The following PCDHGA8 variants were observed in gnomAD, a reference collection of about 807,000 sequenced individuals.
PCDHGA8 encodes the protein protocadherin gamma subfamily A, 8.
In PCDHGA8, 45 loss-of-function variants were observed where a neutral mutation model predicts 59.2. The observed-to-expected ratio is 0.76, with a 90% CI of 0.60 to 0.98. PCDHGA8 has a LOEUF of 0.98. PCDHGA8 is among the 50% of genes least tolerant of loss of function. PCDHGA8 has a pLI of 0.00. For synonymous variants in PCDHGA8, 531 were observed against 519.0 expected (o/e 1.02, Z -0.32); for missense variants, 1,257 against 1,196.2 (o/e 1.05, Z -0.75).
intron 2 of PCDHGA8, 141 bp downstream of exon 2, chr5:141,495,006 G>C (rs1030195663): frequency 2.0e-6 from 3 of 1,521,446 alleles, no homozygotes; most frequent in Non-Finnish European, 8.8e-7. Flanking sequence ...CTTGGTGTGC[G>C]GGGGGCTGGC....
chr5:141,487,127 A>T lies in PCDHGA8; in HGVS notation c.2425-7680A>T. ...GGTCATTGTGGTAAAGGATAGTGGT[A>T]GTCCACCACTCTCTACCTCTGTTAC... On this transcript the variant is annotated intron_variant, in intron 1 of 3. Coordinates refer to ENST00000398604, the MANE Select transcript of PCDHGA8 (RefSeq NM_032088.2). The surrounding 1 kb of genome is among the most constrained non-coding windows in gnomAD (Gnocchi z 5.0). 6.2e-7 allele frequency: 1 copy of T among 1,613,334 alleles called. No individual in the cohort carries two copies. Among genetic ancestry groups the T allele is most frequent in the Admixed American group, 1.7e-5 (1 of 60,026 alleles).
At chr5:141,427,266 G>A (rs753905641) in intron 1 of PCDHGA8, 15 of 456,620 alleles carry the variant, frequency 3.3e-5, no homozygotes, top group Non-Finnish European at 5.7e-5. Context: ...CATGACCAGC[G>A]AATGTAAAAT....
chr5:141,449,782 T>C (rs2098655261), intron 1 of PCDHGA8, among the ~76,000 whole-genome samples: 1 of 151,720 alleles, frequency 6.6e-6, no homozygotes, highest in South Asian at 2.1e-4. Flanking sequence ...GAAATTATGT[T>C]TCTTTATTCC....
At position 141,487,074 on chromosome 5, in the gene PCDHGA8, T is replaced by C; in HGVS notation, c.2425-7733T>C. The C allele has an allele frequency of 6.2e-7, 1 of 1,614,104 alleles. No homozygotes were observed. The highest frequency in any genetic ancestry group is 8.5e-7 in the Non-Finnish European group (1 of 1,179,978). Reference sequence around the variant, plus strand: ...GGGGAGGTGCGGACGGCTGTTCCTATCCCAGCTGACCTCCCACCACAGAAG... The same window carrying C: ...GGGGAGGTGCGGACGGCTGTTCCTACCCCAGCTGACCTCCCACCACAGAAG... On this transcript the variant is annotated intron_variant, in intron 1 of 3. Transcript: ENST00000398604. The surrounding 1 kb of genome is among the most constrained non-coding windows in gnomAD (Gnocchi z 5.0).
intron 1 of PCDHGA8, among the ~76,000 whole-genome samples, chr5:141,488,511 G>A (rs2099676160): frequency 6.6e-6 from 1 of 152,162 alleles, no homozygotes. Context: ...CCACATTTGG[G>A]GTCTGGGGTG....
chr5:141,498,251 C>A (rs1277949209), intron 2 of PCDHGA8, among the ~76,000 whole-genome samples: 1 of 152,178 alleles, frequency 6.6e-6, no homozygotes, highest in African/African-American at 2.4e-5. Flanking sequence ...CAAAGCAGGG[C>A]TGGTGTTGAG....
chr5:141,505,072 G>A (rs1374916789), intron 2 of PCDHGA8, among the ~76,000 whole-genome samples: 1 of 152,228 alleles, frequency 6.6e-6, no homozygotes. Context: ...TGAGGCAGGA[G>A]AATCGCTTGA....
intron 1 of PCDHGA8, chr5:141,400,004 G>T (rs750835037): frequency 2.5e-6 from 4 of 1,612,420 alleles, no homozygotes; most frequent in East Asian, 2.2e-5. Flanking sequence ...CGCACAGCGC[G>T]TGCCTTGGGC....
rs1327610213 is a variant in PCDHGA8 at position 141,423,493 on chromosome 5, C to T, written c.2424+28256C>T. 5 of 1,613,984 alleles carry T rather than the reference C, an allele frequency of 3.1e-6. No homozygotes were observed. In the South Asian group the frequency reaches 5.5e-5, roughly 18 times the overall value. On this transcript the variant is annotated intron_variant, in intron 1 of 3. Coordinates refer to ENST00000398604, the MANE Select transcript of PCDHGA8 (RefSeq NM_032088.2). The stretch of plus-strand genomic sequence containing the variant: ...ACAGGCTTTCCTGCAAACCTATTCC[C>T]ACGAGGTCTCTCTCATTGCGGACTC...
chr5:141,466,977 C>T (rs2099133275), intron 1 of PCDHGA8, among the ~76,000 whole-genome samples: 1 of 151,786 alleles, frequency 6.6e-6, no homozygotes. Flanking sequence ...CACAGCTCAT[C>T]ATTTACCTTT....
chr5:141,469,756 A>G (rs2099210350), intron 1 of PCDHGA8, among the ~76,000 whole-genome samples: 1 of 152,252 alleles, frequency 6.6e-6, no homozygotes. Context: ...ACAAAAATAC[A>G]TATATACCAG....
rs1477077191 is a variant in PCDHGA8, at chr5:141,427,802, C to T, written c.2424+32565C>T. 7.3e-6 allele frequency: 11 copies of T among 1,510,148 alleles called. No individual in the cohort carries two copies. In the South Asian group the frequency reaches 9.0e-5, roughly 12 times the overall value. The allele number at this position is 1,510,148 out of a possible 1,614,324, so 93.5% of individuals were successfully genotyped here. A position where few individuals can be genotyped will look rare whatever the true frequency, so the allele number is the denominator to read the frequency against. On this transcript the variant is annotated intron_variant, in intron 1 of 3. Transcript: ENST00000398604. ...CACTGTCGTCCTACGTGTCCGTGAG[C>T]GCACAGAGCGGGGTGGTGGTCGCGC... is the stretch of plus-strand genomic sequence containing the variant.
At chr5:141,466,654 C>A (rs985749176) in intron 1 of PCDHGA8, among the ~76,000 whole-genome samples, 12 of 152,178 alleles carry the variant, frequency 7.9e-5, no homozygotes, top group African/African-American at 2.9e-4. Flanking sequence ...TTTCACAAAA[C>A]ATCAGTGATT....
intron 1 of PCDHGA8, among the ~76,000 whole-genome samples, chr5:141,481,994 A>AG (rs2099550091): frequency 1.3e-5 from 2 of 151,258 alleles, no homozygotes; most frequent in African/African-American, 4.9e-5. Context: ...TTGAAGCAGG[A>AG]GAATCGCTTT....
At chr5:141,397,912 A>G in intron 1 of PCDHGA8, 2 of 686,532 alleles carry the variant, frequency 2.9e-6, no homozygotes, top group Non-Finnish European at 4.8e-6. Flanking sequence ...TTGGCGCTCC[A>G]GATCTCCTCG....
Position 141,486,146 on chromosome 5 carries a change from G to A in PCDHGA8, c.2425-8661G>A, listed in dbSNP as rs533158692. The A allele has an allele frequency of 3.1e-6, 5 of 1,614,184 alleles. No homozygotes were observed. The highest frequency in any genetic ancestry group is 2.2e-5 in the East Asian group (1 of 44,876). The stretch of plus-strand genomic sequence containing the variant: ...TGAATTTGATGTGCGGGCTCGCGAT[G>A]GGGGTTCTCCAGCCATGGAGCAACA... On this transcript the variant is annotated intron_variant, in intron 1 of 3. Transcript: ENST00000398604. The surrounding 1 kb of genome is among the most constrained non-coding windows in gnomAD (Gnocchi z 5.0).
In PCDHGA8 at chr5:141,489,750, C is replaced by T. The variant is rs753217170; in HGVS notation, c.2425-5057C>T. On this transcript the variant is annotated intron_variant, in intron 1 of 3. Coordinates refer to ENST00000398604, the MANE Select transcript of PCDHGA8 (RefSeq NM_032088.2). The surrounding 1 kb of genome is among the most constrained non-coding windows in gnomAD (Gnocchi z 4.5). ...TGGGCACCAATACTGTGAGCTTTTA[C>T]ACTCTAAGCCCCAACAGCCACTTCT... 1.2e-6 allele frequency: 2 copies of T among 1,614,098 alleles called. No homozygotes were observed. Among genetic ancestry groups the T allele is most frequent in the Admixed American group, 3.3e-5 (2 of 60,022 alleles).
intron 1 of PCDHGA8, chr5:141,433,012 G>A (rs1402902269): frequency 2.5e-6 from 4 of 1,614,054 alleles, no homozygotes; most frequent in Non-Finnish European, 3.4e-6. Flanking sequence ...CTTTCCTGCA[G>A]ACCTATTCCC....
Position 141,393,981 on chromosome 5 carries a change from T to G in PCDHGA8, c.1168T>G (p.Leu390Val). The change falls in exon 1 of 4, where the codon TTA (leucine) becomes GTA (valine). Residue 390 changes from leucine (L) to valine (V), a missense_variant. Physicochemically the swap from Leu to Val is conservative, Grantham distance 32 (BLOSUM62 1). Transcript: ENST00000398604. Reference protein sequence around the residue: ...GQVVCYTRDNLPFKLEKSIGN... With the variant: ...GQVVCYTRDNVPFKLEKSIGN... ...AGTTGTCTGTTACACACGTGATAATTTACCTTTTAAATTAGAAAAGTCAAT... is the reference window on the plus strand; with the variant it reads ...AGTTGTCTGTTACACACGTGATAATGTACCTTTTAAATTAGAAAAGTCAAT... 3 of 1,613,792 alleles carry G rather than the reference T, an allele frequency of 1.9e-6. No individual in the cohort carries two copies. The highest frequency in any genetic ancestry group is 2.5e-6 in the Non-Finnish European group (3 of 1,179,800).
Sources: allele counts gnomAD v4.1 joint callset (sites outside exome capture counted in the v4.1 genomes callset), GRCh38; gene constraint gnomAD v4.1.1; non-coding constraint Gnocchi (gnomAD v3.1); transcripts MANE v1.5; gene names NCBI Gene and HGNC (gene_info 2026-07-23, HGNC 2026-07-21).